XKR3: variants seen among roughly 807,000 people sequenced by gnomAD.
XKR3 encodes the protein XK-related protein 3.
Under a neutral mutation model 40.3 loss-of-function variants are expected in XKR3, and 27 were observed. That is an observed-to-expected ratio of 0.67 (90% CI 0.49 to 0.92). The LOEUF is 0.92. XKR3 is among the 40% of genes least tolerant of loss of function. The pLI is 0.00. For synonymous variants in XKR3, 193 were observed against 195.4 expected (o/e 0.99, Z 0.10); for missense variants, 472 against 537.6 (o/e 0.88, Z 1.21).
At chr22:16,825,179 A>G (rs1248866978) in intron 1 of XKR3, among the ~76,000 whole-genome samples, 112 bp downstream of exon 1, 1 of 152,152 alleles carries the variant, frequency 6.6e-6, no homozygotes, top group Non-Finnish European at 1.5e-5. Flanking sequence ...GACTCGGGAA[A>G]AGCCACCCCT....
At chr22:16,810,975 AGTT>A (rs1413970264) in intron 1 of XKR3, among the ~76,000 whole-genome samples, 1 of 152,148 alleles carries the variant, frequency 6.6e-6, no homozygotes, top group Non-Finnish European at 1.5e-5. Context: ...AAAAGTCACT[AGTT>A]GTTGTCACTG....
intron 3 of XKR3, among the ~76,000 whole-genome samples, chr22:16,794,881 G>A (rs1459453992): frequency 6.6e-6 from 1 of 152,190 alleles, no homozygotes; most frequent in African/African-American, 2.4e-5. Context: ...AAACAGATGT[G>A]AAACCAGTGA....
chr22:16,798,145 A>T (rs1034373622), intron 3 of XKR3, among the ~76,000 whole-genome samples: 9 of 147,692 alleles, frequency 6.1e-5, no homozygotes, highest in Non-Finnish European at 1.2e-4. Flanking sequence ...ATGCCAGGGC[A>T]CTCCAGCCTT....
intron 2 of XKR3, among the ~76,000 whole-genome samples, chr22:16,807,374 TTCTC>T (rs1449981911): frequency 6.6e-6 from 1 of 152,180 alleles, no homozygotes; most frequent in African/African-American, 2.4e-5. Context: ...TTTCAAGTCT[TTCTC>T]TCTTCTCACT....
intron 3 of XKR3, among the ~76,000 whole-genome samples, chr22:16,788,164 A>C (rs1456022175): frequency 6.6e-6 from 1 of 152,180 alleles, no homozygotes; most frequent in Non-Finnish European, 1.5e-5. Context: ...TCATAAGTAC[A>C]TGAAAATTAA....
rs1163935994 is a variant in XKR3, at chr22:16,790,658, A to C, written c.590-6249T>G. Reference sequence around the variant, plus strand: ...TTGTACAACAAACCCCTATCATACAAGTTTACTTATATAACAAACCTGCAT... The same window carrying C: ...TTGTACAACAAACCCCTATCATACACGTTTACTTATATAACAAACCTGCAT... On this transcript the variant is annotated intron_variant, in intron 3 of 3. Transcript: ENST00000684488. Among the ~76,000 whole-genome samples the C allele has an allele frequency of 5.3e-5, 8 of 152,180 alleles. No individual in the cohort carries two copies. In the South Asian group the frequency reaches 8.3e-4, roughly 16 times the overall value.
intron 3 of XKR3, among the ~76,000 whole-genome samples, chr22:16,789,866 C>A (rs1354671954): frequency 8.4e-4 from 128 of 152,216 alleles, no homozygotes; most frequent in African/African-American, 2.7e-3. Context: ...GCCAAGAACA[C>A]AAAATGAGGA....
At chr22:16,821,372 A>G (rs2060254930) in intron 1 of XKR3, among the ~76,000 whole-genome samples, 1 of 152,134 alleles carries the variant, frequency 6.6e-6, no homozygotes, top group South Asian at 2.1e-4. Context: ...ACTATAGAAG[A>G]TAAACAAAGC....
At chr22:16,799,413 CAAAAAAAAAA>C (rs528071823) in intron 3 of XKR3, among the ~76,000 whole-genome samples, 1 of 32,550 alleles carries the variant, frequency 3.1e-5, no homozygotes, top group Non-Finnish European at 5.2e-5. Flanking sequence ...GACTATGTCT[CAAAAAAAAAA>C]AAAAAAAAAA....
intron 1 of XKR3, among the ~76,000 whole-genome samples, chr22:16,820,170 GAAAATAAAACTTACGCAA>G (rs1408197572): frequency 6.6e-6 from 1 of 152,112 alleles, no homozygotes; most frequent in African/African-American, 2.4e-5. Context: ...TTATCCTACA[GAAAATAAAACTTACGCAA>G]AAAAACTGTA....
chr22:16,822,213 T>A (rs2060259849), intron 1 of XKR3, among the ~76,000 whole-genome samples: 1 of 152,166 alleles, frequency 6.6e-6, no homozygotes, highest in South Asian at 2.1e-4. Flanking sequence ...GCACAGAGGC[T>A]GAGAGGGGAT....
At chr22:16,803,047 C>T (rs1035489584) in intron 2 of XKR3, among the ~76,000 whole-genome samples, 10 of 150,606 alleles carry the variant, frequency 6.6e-5, no homozygotes, top group African/African-American at 2.4e-4. Flanking sequence ...CATGTCAATC[C>T]ATCTTAAGGT....
rs141361126 is a variant in XKR3 at position 16,813,153 on chromosome 22, A to G, written c.-10-5070T>C. 5.6e-3 allele frequency among the ~76,000 whole-genome samples: 845 copies of G among 152,002 alleles called. 11 individuals are homozygous for G. Among genetic ancestry groups the G allele is most frequent in the African/African-American group, 0.02 (813 of 41,440 alleles). ...CAAAAAATTAGCCTGGCGTGGTGGC[A>G]GGTGCCTGTAGTCCCAGCTACTCGG... On this transcript the variant is annotated intron_variant, in intron 1 of 3. Transcript: ENST00000684488.
chr22:16,787,310 G>A (rs1286478701), intron 3 of XKR3, among the ~76,000 whole-genome samples: 2 of 152,064 alleles, frequency 1.3e-5, no homozygotes, highest in African/African-American at 4.8e-5. Flanking sequence ...TGTAATCGCA[G>A]CTATTTGGGA....
At chr22:16,787,447 C>G (rs1442969207) in intron 3 of XKR3, among the ~76,000 whole-genome samples, 5 of 151,672 alleles carry the variant, frequency 3.3e-5, no homozygotes, top group Non-Finnish European at 7.4e-5. Context: ...GTAATCCCAG[C>G]CACTCAAGAG....
At chr22:16,820,200 A>G (rs530955914) in intron 1 of XKR3, among the ~76,000 whole-genome samples, 1 of 152,318 alleles carries the variant, frequency 6.6e-6, no homozygotes, top group Admixed American at 6.5e-5. Flanking sequence ...AAAACTGTAC[A>G]TGAAGGTATA....
At chr22:16,795,374 T>C (rs1040503307) in intron 3 of XKR3, among the ~76,000 whole-genome samples, 2 of 152,056 alleles carry the variant, frequency 1.3e-5, no homozygotes, top group African/African-American at 4.8e-5. Flanking sequence ...TAGGAAAAAC[T>C]TTCCCAAATC....
At chr22:16,789,282 A>C (rs2060104014) in intron 3 of XKR3, among the ~76,000 whole-genome samples, 1 of 152,232 alleles carries the variant, frequency 6.6e-6, no homozygotes, top group Non-Finnish European at 1.5e-5. Flanking sequence ...ACTAAAAAGC[A>C]GTTAGAACTA....
intron 1 of XKR3, among the ~76,000 whole-genome samples, chr22:16,816,366 GTAGTTATTCATTTTTTTGAAAAAA>G (rs2060233362): frequency 6.6e-6 from 1 of 150,560 alleles, no homozygotes. Flanking sequence ...TACACTTTCT[GTAGTTATTCATTTTTTTGAAAAAA>G]TATTCATTTT....
Sources: allele counts gnomAD v4.1 joint callset (sites outside exome capture counted in the v4.1 genomes callset), GRCh38; gene constraint gnomAD v4.1.1; transcripts MANE v1.5; gene names NCBI Gene and HGNC (gene_info 2026-07-23, HGNC 2026-07-21).